The following ARAP2 variants were observed in gnomAD, a reference collection of about 807,000 sequenced individuals.
The protein encoded by ARAP2 is ArfGAP with RhoGAP domain, ankyrin repeat and PH domain 2, also known as arf-GAP with Rho-GAP domain, ANK repeat and PH domain-containing protein 2.
A neutral mutation model predicts 194.5 loss-of-function variants in ARAP2; 148 were observed. That is an observed-to-expected ratio of 0.76 (90% CI 0.67 to 0.87). The LOEUF is 0.87. Ranked by LOEUF, ARAP2 falls within the 40% of genes least tolerant of loss-of-function variation. ARAP2 has a pLI of 0.00. For missense variants in ARAP2, 2,128 were observed against 1,989.7 expected (o/e 1.07, Z -1.32); for synonymous variants, 695 against 683.5 (o/e 1.02, Z -0.26).
chr4:36,053,811 G>A (rs1010125924), intron 2 of ARAP2, among the ~76,000 whole-genome samples: 2 of 152,148 alleles, frequency 1.3e-5, no homozygotes, highest in African/African-American at 2.4e-5. Context: ...AAGTTTATTC[G>A]CATTATGGAT....
At chr4:36,241,613 G>C (rs986234938) in intron 1 of ARAP2, among the ~76,000 whole-genome samples, 2 of 152,004 alleles carry the variant, frequency 1.3e-5, no homozygotes, top group Non-Finnish European at 2.9e-5. Context: ...TAAATGGCAC[G>C]TATATGAACA....
intron 24 of ARAP2, 144 bp from the exon 25 acceptor site, chr4:36,117,279 A>G (rs1272422066): frequency 3.6e-6 from 2 of 549,030 alleles, no homozygotes; most frequent in African/African-American, 2.0e-5. Flanking sequence ...GCTCACAAGC[A>G]TGATGTGCCC....
rs1578302354 is a variant in ARAP2, at chr4:36,214,365, C to T, written c.964+57G>A. The T allele has an allele frequency of 2.8e-6, 4 of 1,442,878 alleles. No homozygotes were observed. In the South Asian group the frequency reaches 3.8e-5, roughly 14 times the overall value. 89.4% of individuals were successfully genotyped at this position (1,442,878 alleles called of 1,614,324 possible). On this transcript the variant is annotated intron_variant, in intron 3 of 32. Transcript: ENST00000303965. ...TGCCTTCGCAATCATGATTTTAACA[C>T]AGTTAAGACTATCAAATGAGCTCTA...
intron 19 of ARAP2, among the ~76,000 whole-genome samples, chr4:36,145,734 C>T (rs1729479982): frequency 6.6e-6 from 1 of 151,942 alleles, no homozygotes; most frequent in Admixed American, 6.6e-5. Context: ...ATGTCCCTGG[C>T]TGCTCCTTCC....
At chr4:36,124,819 T>C in intron 22 of ARAP2, 43 bp downstream of exon 22, 3 of 1,187,056 alleles carry the variant, frequency 2.5e-6, no homozygotes, top group African/African-American at 1.5e-5. Flanking sequence ...ACTTATTGAG[T>C]GCTGTGTTTG....
intron 1 of ARAP2, among the ~76,000 whole-genome samples, chr4:36,059,596 A>C (rs1281219100): frequency 6.6e-6 from 1 of 152,206 alleles, no homozygotes; most frequent in Non-Finnish European, 1.5e-5. Context: ...TTCAGACTGA[A>C]GTTAAACATA....
intron 23 of ARAP2, among the ~76,000 whole-genome samples, chr4:36,120,361 C>T (rs748442778): frequency 6.6e-6 from 1 of 151,488 alleles, no homozygotes; most frequent in African/African-American, 2.4e-5. Flanking sequence ...ATTAAAATAG[C>T]TTCTTTTTCT....
chr4:36,082,178 A>G, intron 30 of ARAP2, 73 bp downstream of exon 30: 1 of 1,370,898 alleles, frequency 7.3e-7, no homozygotes, highest in Admixed American at 1.9e-5. Flanking sequence ...TCTATCTGCA[A>G]TTACTGAAAT....
chr4:36,065,519 G>A (rs73123450), downstream of ARAP2: 3,164 of 277,086 alleles, frequency 0.011, 102 homozygotes, highest in African/African-American at 0.065. Context: ...TCAATGCAGG[G>A]CAGGCAGTAG....
At chr4:36,094,240 T>C (rs1714568213) in intron 27 of ARAP2, among the ~76,000 whole-genome samples, 1 of 152,200 alleles carries the variant, frequency 6.6e-6, no homozygotes, top group African/African-American at 2.4e-5. Flanking sequence ...GAAAATTACA[T>C]GAAATTCATT....
At chr4:36,131,899 A>G (rs558054236) in intron 20 of ARAP2, among the ~76,000 whole-genome samples, 1 of 151,874 alleles carries the variant, frequency 6.6e-6, no homozygotes, top group East Asian at 1.9e-4. Context: ...CTAATAAGAA[A>G]AACATATCAT....
intron 8 of ARAP2, among the ~76,000 whole-genome samples, chr4:36,185,184 T>A (rs1045949188): frequency 1.3e-5 from 2 of 152,242 alleles, no homozygotes; most frequent in Non-Finnish European, 2.9e-5. Flanking sequence ...AAACAGGCAC[T>A]GAGCCAGATT....
intron 27 of ARAP2, among the ~76,000 whole-genome samples, chr4:36,096,388 GAAAA>G (rs1253628941): frequency 5.2e-5 from 7 of 135,760 alleles, no homozygotes; most frequent in Non-Finnish European, 1.1e-4. Context: ...AAAGAAAAAG[GAAAA>G]AAGTAGTCTT....
At chr4:36,051,518 AATAAATAC>A (rs1386824616) in intron 3 of ARAP2, among the ~76,000 whole-genome samples, 1 of 151,856 alleles carries the variant, frequency 6.6e-6, no homozygotes, top group African/African-American at 2.4e-5. Context: ...AATAATAATA[AATAAATAC>A]ATAAATACAC....
At chr4:36,232,881 T>G (rs752837549) in intron 1 of ARAP2, among the ~76,000 whole-genome samples, 1 of 152,258 alleles carries the variant, frequency 6.6e-6, no homozygotes, top group Non-Finnish European at 1.5e-5. Flanking sequence ...TTTTTTGCTA[T>G]GCATGTGTGT....
intron 24 of ARAP2, among the ~76,000 whole-genome samples, chr4:36,117,471 T>C (rs78259821): frequency 3.0e-4 from 46 of 151,820 alleles, no homozygotes; most frequent in African/African-American, 1.1e-3. Context: ...ACAGAAGTTG[T>C]AGGAGCCATC....
intron 5 of ARAP2, among the ~76,000 whole-genome samples, chr4:36,042,208 G>A (rs1295120129): frequency 6.6e-6 from 1 of 152,002 alleles, no homozygotes; most frequent in Non-Finnish European, 1.5e-5. Flanking sequence ...AGAATAGGTG[G>A]CTTATATTTT....
chr4:36,239,761 A>T (rs1753160416), intron 1 of ARAP2, among the ~76,000 whole-genome samples: 1 of 152,252 alleles, frequency 6.6e-6, no homozygotes, highest in Non-Finnish European at 1.5e-5. Flanking sequence ...TAAATTTTAT[A>T]GTATGTGTTA....
intron 5 of ARAP2, among the ~76,000 whole-genome samples, chr4:36,020,261 A>G (rs775711424): frequency 6.6e-6 from 1 of 152,202 alleles, no homozygotes; most frequent in Non-Finnish European, 1.5e-5. Context: ...AAATACAAAA[A>G]TTAGCCAGGT....
Sources: allele counts gnomAD v4.1 joint callset (sites outside exome capture counted in the v4.1 genomes callset), GRCh38; gene constraint gnomAD v4.1.1; transcripts MANE v1.5; gene names NCBI Gene and HGNC (gene_info 2026-07-23, HGNC 2026-07-21).